PPP1R9A: variants seen among roughly 807,000 people sequenced by gnomAD.
The protein encoded by PPP1R9A is protein phosphatase 1 regulatory subunit 9A.
A neutral mutation model predicts 141.9 loss-of-function variants in PPP1R9A; 59 were observed. That is an observed-to-expected ratio of 0.42 (90% confidence interval 0.34 to 0.52). The LOEUF is 0.52. PPP1R9A is among the 20% of genes least tolerant of loss of function. The pLI is 0.10. For missense variants in PPP1R9A, 1,444 were observed against 1,611.9 expected (o/e 0.90, Z 1.78); for synonymous variants, 500 against 569.7 (o/e 0.88, Z 1.74).
At chr7:95,201,458 T>G (rs1789553535) in intron 6 of PPP1R9A, among the ~76,000 whole-genome samples, 1 of 152,180 alleles carries the variant, frequency 6.6e-6, no homozygotes. Context: ...AGATGAAAGC[T>G]GTACAAATAG....
At chr7:95,004,854 G>T (rs1223151962) in intron 2 of PPP1R9A, among the ~76,000 whole-genome samples, 1 of 152,132 alleles carries the variant, frequency 6.6e-6, no homozygotes, top group Non-Finnish European at 1.5e-5. Context: ...GAAGGGGAAG[G>T]ACACACTACA....
rs151165565 is a variant in PPP1R9A at position 95,239,938 on chromosome 7, C to T, written c.2113-7535C>T. 7.2e-5 allele frequency among the ~76,000 whole-genome samples: 11 copies of T among 151,842 alleles called. No individual in the cohort carries two copies. The East Asian group carries it at 1.7e-3, about 24-fold the overall frequency. On this transcript the variant is annotated intron_variant, in intron 8 of 19. Coordinates refer to ENST00000433360, the MANE Select transcript of PPP1R9A (RefSeq NM_001166160.2). The stretch of plus-strand genomic sequence containing the variant: ...ATATAATTGTTACATTTTTTAAAAA[C>T]TTATGTTTTTGGTTAGTTTTCTAAA...
At chr7:94,929,341 C>T (rs1355139429) in intron 2 of PPP1R9A, among the ~76,000 whole-genome samples, 1 of 152,048 alleles carries the variant, frequency 6.6e-6, no homozygotes, top group Non-Finnish European at 1.5e-5. Context: ...GCTGTGAGTG[C>T]GGAGAGGGGA....
rs2116135642 is a variant in PPP1R9A, at chr7:95,291,363, G to T, written c.*1060G>T. The T allele has an allele frequency of 6.6e-6, 1 of 152,280 alleles. No homozygotes were observed. The highest frequency in any genetic ancestry group is 2.1e-4 in the South Asian group (1 of 4,828). 9.4% of individuals were successfully genotyped at this position (152,280 alleles called of 1,614,324 possible). A position where few individuals can be genotyped will look rare whatever the true frequency, so the allele number is the denominator to read the frequency against. On this transcript the variant is annotated 3_prime_UTR_variant, in exon 20 of 20. Transcript: ENST00000433360. ...AACAAATGTACTTTTAAGAAAAATA[G>T]AAATACCAGTTAGAGGAAACTGTCA... is the stretch of plus-strand genomic sequence containing the variant.
chr7:94,918,331 C>A (rs996154019), intron 2 of PPP1R9A, among the ~76,000 whole-genome samples: 2 of 151,924 alleles, frequency 1.3e-5, no homozygotes, highest in Non-Finnish European at 2.9e-5. Context: ...ATACTCCTGA[C>A]AGATGATGTT....
Position 95,075,073 on chromosome 7 carries a change from G to C in PPP1R9A, c.1396-36186G>C, listed in dbSNP as rs1814637892. On this transcript the variant is annotated intron_variant, in intron 2 of 19. Coordinates refer to ENST00000433360, the MANE Select transcript of PPP1R9A (RefSeq NM_001166160.2). ...CATATTGCTTTTGAAAGAACACTTT[G>C]TTGTAAAATAACCATTAGCTAGTTC... is the stretch of plus-strand genomic sequence containing the variant. Among the ~76,000 whole-genome samples, 3 of 151,960 alleles carry C rather than the reference G, an allele frequency of 2.0e-5. No individual in the cohort carries two copies. The South Asian group carries it at 6.2e-4, about 32-fold the overall frequency.
intron 2 of PPP1R9A, among the ~76,000 whole-genome samples, chr7:94,969,876 C>T (rs762639429): frequency 7.9e-5 from 12 of 152,148 alleles, no homozygotes; most frequent in Non-Finnish European, 1.6e-4. Context: ...GTCAGTCTGG[C>T]TATTGTGCCT....
At chr7:95,028,244 T>C (rs1807169978) in intron 2 of PPP1R9A, among the ~76,000 whole-genome samples, 2 of 152,130 alleles carry the variant, frequency 1.3e-5, no homozygotes, top group South Asian at 4.1e-4. Context: ...TAGAGAATAT[T>C]TTGATGATTT....
At chr7:95,274,575 T>G (rs1802815225) in intron 16 of PPP1R9A, among the ~76,000 whole-genome samples, 1 of 152,218 alleles carries the variant, frequency 6.6e-6, no homozygotes. Context: ...CTTGTTGACA[T>G]TCAAGATTGT....
At chr7:95,031,821 A>C (rs1468160288) in intron 2 of PPP1R9A, among the ~76,000 whole-genome samples, 2 of 152,092 alleles carry the variant, frequency 1.3e-5, no homozygotes, top group Non-Finnish European at 2.9e-5. Context: ...TAGTTTTTGA[A>C]GGACTAATTC....
chr7:94,910,733 C>T lies in PPP1R9A; in HGVS notation c.620C>T (p.Ala207Val). 1 of 1,614,132 alleles carries T rather than the reference C, an allele frequency of 6.2e-7. No homozygotes were observed. The highest frequency in any genetic ancestry group is 1.1e-5 in the South Asian group (1 of 91,082). The change falls in exon 2 of 20, where the codon GCA becomes GTA. Residue 207 changes from alanine to valine, a missense_variant. Coordinates refer to ENST00000433360, the MANE Select transcript of PPP1R9A (RefSeq NM_001166160.2). The surrounding 1 kb of genome is among the most constrained non-coding windows in gnomAD (Gnocchi z 4.5). Reference protein sequence around the residue: ...AVSPTVSQLSAVFENTDSPSA... With the variant: ...AVSPTVSQLSVVFENTDSPSA... ...TCCCCAACTGTGAGTCAACTGAGTGCAGTATTTGAGAACACTGATTCTCCC... is the reference window on the plus strand; with the variant it reads ...TCCCCAACTGTGAGTCAACTGAGTGTAGTATTTGAGAACACTGATTCTCCC...
At chr7:95,282,476 A>G (rs1045771593) in intron 16 of PPP1R9A, among the ~76,000 whole-genome samples, 54 of 152,214 alleles carry the variant, frequency 3.5e-4, no homozygotes, top group African/African-American at 1.1e-3. Flanking sequence ...AGACATTCCT[A>G]GAGTTGTAAA....
chr7:95,178,735 G>T (rs1319099451), intron 5 of PPP1R9A, among the ~76,000 whole-genome samples: 1 of 152,026 alleles, frequency 6.6e-6, no homozygotes, highest in African/African-American at 2.4e-5. Context: ...ATCATTCAAG[G>T]CTACTATGAA....
At chr7:94,939,789 T>C (rs1374071717) in intron 2 of PPP1R9A, among the ~76,000 whole-genome samples, 2 of 146,074 alleles carry the variant, frequency 1.4e-5, no homozygotes, top group Admixed American at 1.4e-4. Context: ...TATATGTATA[T>C]ATATGTATAC....
intron 2 of PPP1R9A, among the ~76,000 whole-genome samples, chr7:94,914,424 C>CT (rs1354363641): frequency 1.3e-5 from 2 of 152,138 alleles, no homozygotes; most frequent in Non-Finnish European, 2.9e-5. Context: ...ATACCTTGTA[C>CT]TTGTACATAT....
chr7:94,960,724 A>C (rs904855479), intron 2 of PPP1R9A, among the ~76,000 whole-genome samples: 5 of 151,734 alleles, frequency 3.3e-5, no homozygotes, highest in African/African-American at 9.7e-5. Flanking sequence ...AAAACTATTA[A>C]GCAAAGGAGC....
rs569947460 is a variant in PPP1R9A, at chr7:94,962,574, G to A, written c.1395+51066G>A. Reference sequence around the variant, plus strand: ...GGAATGCAGAAGTTATTCCTTATAAGGAAAACATCAGGAGTTCTATTTATA... The same window carrying A: ...GGAATGCAGAAGTTATTCCTTATAAAGAAAACATCAGGAGTTCTATTTATA... On this transcript the variant is annotated intron_variant, in intron 2 of 19. Coordinates refer to ENST00000433360, the MANE Select transcript of PPP1R9A (RefSeq NM_001166160.2). 2.0e-5 allele frequency among the ~76,000 whole-genome samples: 3 copies of A among 151,930 alleles called. No homozygotes were observed. The East Asian group carries it at 5.8e-4, about 29-fold the overall frequency.
At chr7:95,098,892 G>A (rs139788723) in intron 2 of PPP1R9A, among the ~76,000 whole-genome samples, 5 of 152,132 alleles carry the variant, frequency 3.3e-5, no homozygotes, top group Non-Finnish European at 5.9e-5. Context: ...GTAAACTTCT[G>A]TACTGGAGAA....
chr7:95,182,622 T>C (rs180990364), intron 5 of PPP1R9A, among the ~76,000 whole-genome samples: 22 of 152,338 alleles, frequency 1.4e-4, no homozygotes, highest in Non-Finnish European at 2.6e-4. Context: ...TAAAGTGTTA[T>C]ATGCAGTGGA....
Sources: gnomAD v4.1 joint callset for allele counts (sites outside exome capture counted in the v4.1 genomes callset) on GRCh38, gnomAD v4.1.1 for gene constraint, Gnocchi (gnomAD v3.1) non-coding constraint, MANE v1.5 for transcripts, NCBI Gene and HGNC (gene_info 2026-07-23, HGNC 2026-07-21) for gene names.